CORO1C: variants seen among roughly 807,000 people sequenced by gnomAD.
The protein encoded by CORO1C is coronin 1C.
Under a neutral mutation model 51.2 loss-of-function variants are expected in CORO1C, and 14 were observed. The observed-to-expected ratio is 0.27, with a 90% CI of 0.18 to 0.43. CORO1C has a LOEUF of 0.43. Ranked by LOEUF, CORO1C falls within the 20% of genes least tolerant of loss-of-function variation. The pLI, the probability that CORO1C is intolerant of heterozygous loss-of-function variation, is 1.00. For missense variants in CORO1C, 417 were observed against 607.8 expected (o/e 0.69, Z 3.30); for synonymous variants, 181 against 210.5 (o/e 0.86, Z 1.21).
At chr12:108,689,286 G>A (rs1565922519) in intron 2 of CORO1C, among the ~76,000 whole-genome samples, 3 of 152,162 alleles carry the variant, frequency 2.0e-5, no homozygotes, top group Non-Finnish European at 2.9e-5. Context: ...GTCGCACAAC[G>A]CTTTACCCAG....
At position 108,649,082 on chromosome 12, in the gene CORO1C, G is replaced by A. The variant is rs1400778755; in HGVS notation, c.1002-62C>T. On this transcript the variant is annotated intron_variant, in intron 8 of 10. Transcript: ENST00000261401. ...GAAATATGAGGCTGACTAACAGGAT[G>A]AATAATTAGTTTTCTACAATGCTGT... 3.2e-6 allele frequency: 5 copies of A among 1,566,736 alleles called. No individual in the cohort carries two copies. In the East Asian group the frequency reaches 1.1e-4, roughly 35 times the overall value.
At chr12:108,674,516 C>T (rs2033834785) in intron 3 of CORO1C, among the ~76,000 whole-genome samples, 1 of 150,502 alleles carries the variant, frequency 6.6e-6, no homozygotes, top group African/African-American at 2.5e-5. Flanking sequence ...CCACTGCGCT[C>T]CAGCCTGGGC....
At chr12:108,668,813 C>T (rs2033600710) in intron 3 of CORO1C, among the ~76,000 whole-genome samples, 1 of 152,226 alleles carries the variant, frequency 6.6e-6, no homozygotes, top group Admixed American at 6.5e-5. Flanking sequence ...GAATCAACAT[C>T]ATTCACTAAA....
At chr12:108,662,230 C>T (rs1338687377) in intron 3 of CORO1C, 72 bp from the exon 4 acceptor site, 12 of 1,320,282 alleles carry the variant, frequency 9.1e-6, no homozygotes, top group Non-Finnish European at 1.3e-5. Context: ...CAGTGACCAT[C>T]CACTATAAAG....
intron 3 of CORO1C, among the ~76,000 whole-genome samples, chr12:108,662,645 T>C (rs2033320322): frequency 6.6e-6 from 1 of 152,166 alleles, no homozygotes; most frequent in Admixed American, 6.5e-5. Context: ...AACTACAAAA[T>C]GATTGAAACA....
At chr12:108,729,184 G>A (rs1457103945) in intron 1 of CORO1C, among the ~76,000 whole-genome samples, 1 of 152,094 alleles carries the variant, frequency 6.6e-6, no homozygotes, top group Non-Finnish European at 1.5e-5. Context: ...CCTCATGGTT[G>A]GAGTGGATCC....
chr12:108,675,872 C>T (rs1306967059), intron 3 of CORO1C, among the ~76,000 whole-genome samples: 1 of 152,208 alleles, frequency 6.6e-6, no homozygotes, highest in Admixed American at 6.5e-5. Context: ...TCTGACCGCA[C>T]TTCAGGTTCC....
At chr12:108,692,436 A>G (rs1891634077) in intron 2 of CORO1C, among the ~76,000 whole-genome samples, 1 of 152,252 alleles carries the variant, frequency 6.6e-6, no homozygotes, top group Non-Finnish European at 1.5e-5. Flanking sequence ...CCTGTCAGCA[A>G]TGCACAGTAA....
At chr12:108,690,803 G>A (rs1156691394) in intron 2 of CORO1C, among the ~76,000 whole-genome samples, 1 of 152,202 alleles carries the variant, frequency 6.6e-6, no homozygotes, top group African/African-American at 2.4e-5. Context: ...AAATAAAATT[G>A]AGCTAGAAAG....
At chr12:108,662,184 C>A (rs1198226201) in intron 3 of CORO1C, 26 bp from the exon 4 acceptor site, 2 of 1,608,484 alleles carry the variant, frequency 1.2e-6, no homozygotes, top group Non-Finnish European at 1.7e-6. Context: ...GAAAGATGAT[C>A]CACATGAAAG....
chr12:108,710,049 C>A (rs969914644), intron 1 of CORO1C, among the ~76,000 whole-genome samples: 8 of 152,298 alleles, frequency 5.3e-5, no homozygotes, highest in African/African-American at 1.9e-4. Flanking sequence ...CTCTACAAAA[C>A]ATGGGAAATA....
intron 10 of CORO1C, among the ~76,000 whole-genome samples, chr12:108,648,216 T>A (rs1242160437): frequency 6.6e-6 from 1 of 152,052 alleles, no homozygotes; most frequent in East Asian, 1.9e-4. Context: ...CTCTCCCTGG[T>A]GCCTATGACC....
At chr12:108,715,090 T>C (rs1359917735) in intron 1 of CORO1C, among the ~76,000 whole-genome samples, 1 of 151,786 alleles carries the variant, frequency 6.6e-6, no homozygotes, top group Non-Finnish European at 1.5e-5. Context: ...AAAACTGGGC[T>C]GGGTGTGGTG....
In CORO1C at chr12:108,658,894, C is replaced by T; in HGVS notation, c.474G>A (p.Trp158Ter). 1 of 1,610,482 alleles carries T rather than the reference C, an allele frequency of 6.2e-7. No individual in the cohort carries two copies. Among genetic ancestry groups the T allele is most frequent in the Non-Finnish European group, 8.5e-7 (1 of 1,176,860 alleles). Reference protein sequence around the residue: ...SAGCDNAIIIWNVGTGEALIN... With the variant: ...SAGCDNAIII ...TAAGGGCTTCCCCTGTTCCCACATT[C>T]CAGATGATAATGGCATTATCACAGC... is the stretch of plus-strand genomic sequence containing the variant. Residue 158 changes from tryptophan (W) to a stop codon, truncating the protein, a stop_gained, in exon 5 of 11, where the codon TGG becomes TGA. Coordinates refer to ENST00000261401, the MANE Select transcript of CORO1C (RefSeq NM_014325.4). LOFTEE classifies it high-confidence loss of function. This position sits in a 1 kb window ranked among gnomAD's most constrained non-coding sequence, Gnocchi z 4.9.
chr12:108,674,476 A>C (rs1277936470), intron 3 of CORO1C, among the ~76,000 whole-genome samples: 1 of 149,212 alleles, frequency 6.7e-6, no homozygotes, highest in Non-Finnish European at 1.5e-5. Flanking sequence ...TGAACCCAGG[A>C]GGCGGAGGTT....
At chr12:108,679,346 A>G (rs2034042943) in intron 2 of CORO1C, among the ~76,000 whole-genome samples, 1 of 152,158 alleles carries the variant, frequency 6.6e-6, no homozygotes, top group Non-Finnish European at 1.5e-5. Context: ...TAAGAATAAA[A>G]TGCTTAATGT....
chr12:108,705,735 G>A (rs545878584), intron 1 of CORO1C, among the ~76,000 whole-genome samples: 31 of 152,060 alleles, frequency 2.0e-4, no homozygotes, highest in Admixed American at 5.9e-4. Context: ...ACCAGCAAAC[G>A]AAATCAAGCA....
At chr12:108,648,583 C>T (rs1326391100) in intron 10 of CORO1C, 22 bp downstream of exon 10, 5 of 1,613,692 alleles carry the variant, frequency 3.1e-6, no homozygotes, top group African/African-American at 1.3e-5. Context: ...GCCAAGCACC[C>T]CTGCACTCCA....
chr12:108,685,665 G>A (rs2034268674), intron 2 of CORO1C, among the ~76,000 whole-genome samples: 1 of 150,104 alleles, frequency 6.7e-6, no homozygotes, highest in Non-Finnish European at 1.5e-5. Flanking sequence ...TTGGCCATCA[G>A]AAACACAGTT....
Sources: gnomAD v4.1 joint callset for allele counts (sites outside exome capture counted in the v4.1 genomes callset) on GRCh38, gnomAD v4.1.1 for gene constraint, Gnocchi (gnomAD v3.1) non-coding constraint, MANE v1.5 for transcripts, NCBI Gene and HGNC (gene_info 2026-07-23, HGNC 2026-07-21) for gene names.